GOLPH3L: variants seen among roughly 807,000 people sequenced by gnomAD.
GOLPH3L encodes the protein golgi phosphoprotein 3 like, also known as Golgi phosphoprotein 3-like.
Under a neutral mutation model 30.3 loss-of-function variants are expected in GOLPH3L, and 22 were observed. The ratio of observed to expected loss-of-function variants is 0.73; its 90% confidence interval spans 0.52 to 1.04. The LOEUF is 1.04. GOLPH3L is among the 50% of genes least tolerant of loss of function. GOLPH3L has a pLI of 0.00. For missense variants in GOLPH3L, 303 were observed against 345.8 expected (o/e 0.88, Z 0.98); for synonymous variants, 120 against 128.2 (o/e 0.94, Z 0.43).
At chr1:150,674,262 A>ATT (rs150744411) in intron 2 of GOLPH3L, among the ~76,000 whole-genome samples, 1 of 145,554 alleles carries the variant, frequency 6.9e-6, no homozygotes, top group African/African-American at 2.5e-5. Context: ...GAGTGGGAGA[A>ATT]TTTTTTTTTT....
At chr1:150,659,982 C>T (rs985308320) in intron 4 of GOLPH3L, among the ~76,000 whole-genome samples, 3 of 151,916 alleles carry the variant, frequency 2.0e-5, no homozygotes, top group East Asian at 1.9e-4. Flanking sequence ...TGCAGTGAGC[C>T]GAGATTGCAC....
chr1:150,660,195 A>G (rs1358886277), intron 4 of GOLPH3L, among the ~76,000 whole-genome samples: 2 of 152,186 alleles, frequency 1.3e-5, no homozygotes, highest in Non-Finnish European at 2.9e-5. Flanking sequence ...AACTATTTTC[A>G]TTTGAAAATA....
chr1:150,653,825 C>G (rs1650180574), intron 4 of GOLPH3L, among the ~76,000 whole-genome samples: 1 of 150,704 alleles, frequency 6.6e-6, no homozygotes, highest in East Asian at 2.0e-4. Context: ...TGCAGCGGCA[C>G]AATCTTGTCT....
intron 2 of GOLPH3L, among the ~76,000 whole-genome samples, chr1:150,689,960 C>G (rs1375185231): frequency 1.3e-5 from 2 of 151,124 alleles, no homozygotes; most frequent in South Asian, 2.1e-4. Flanking sequence ...ATTTTAAAAC[C>G]AGTCTGTGGT....
intron 1 of GOLPH3L, among the ~76,000 whole-genome samples, chr1:150,695,940 G>A (rs1004752615): frequency 3.9e-5 from 6 of 151,944 alleles, no homozygotes; most frequent in South Asian, 2.1e-4. Context: ...TTTATTCTAT[G>A]TACTACGGTC....
At position 150,654,246 on chromosome 1, in the gene GOLPH3L, C is replaced by T. The variant is rs981008404; in HGVS notation, c.431-5498G>A. Among the ~76,000 whole-genome samples, 15 of 151,788 alleles carry T rather than the reference C, an allele frequency of 9.9e-5. No individual in the cohort carries two copies. In the East Asian group the frequency reaches 2.9e-3, roughly 30 times the overall value. ...GGGGGGCTGGGCATGGTGGCTCATT[C>T]CTGTAATCCCAGCACTTTGGGAGGC... On this transcript the variant is annotated intron_variant, in intron 4 of 4. Transcript: ENST00000271732.
intron 2 of GOLPH3L, among the ~76,000 whole-genome samples, chr1:150,674,498 G>C (rs1650725427): frequency 1.3e-5 from 2 of 151,972 alleles, no homozygotes; most frequent in Admixed American, 1.3e-4. Context: ...CCTGACCTCA[G>C]GTGATCTACC....
rs587742133 is a variant in GOLPH3L, at chr1:150,681,012, C to G, written c.183+13644G>C. Reference sequence around the variant, plus strand: ...AAAACTAGCCAGGCATGGTGGTGGACACCTAGAATCCCAGCTACTCGGGAG... The same window carrying G: ...AAAACTAGCCAGGCATGGTGGTGGAGACCTAGAATCCCAGCTACTCGGGAG... On this transcript the variant is annotated intron_variant, in intron 2 of 4. Coordinates refer to ENST00000271732, the MANE Select transcript of GOLPH3L (RefSeq NM_018178.6). Among the ~76,000 whole-genome samples the G allele has an allele frequency of 1.0e-3, 157 of 152,164 alleles. 1 individual carries two copies. The highest frequency in any genetic ancestry group is 3.7e-3 in the African/African-American group (153 of 41,524).
intron 3 of GOLPH3L, among the ~76,000 whole-genome samples, chr1:150,662,709 A>G (rs1650397267): frequency 6.6e-6 from 1 of 152,242 alleles, no homozygotes; most frequent in East Asian, 1.9e-4. Context: ...CAGAGAAGCA[A>G]GAGAATAAGA....
chr1:150,682,490 G>A (rs781212419), intron 2 of GOLPH3L, among the ~76,000 whole-genome samples: 137 of 151,856 alleles, frequency 9.0e-4, no homozygotes, highest in Non-Finnish European at 1.3e-3. Context: ...TTAGCTGGGC[G>A]TGGTGGCCTG....
At chr1:150,675,908 G>C (rs1650765175) in intron 2 of GOLPH3L, among the ~76,000 whole-genome samples, 2 of 150,874 alleles carry the variant, frequency 1.3e-5, no homozygotes, top group South Asian at 2.1e-4. Flanking sequence ...GAGTAATGTG[G>C]TAAGAAAACA....
chr1:150,679,005 T>C (rs587601840), intron 2 of GOLPH3L, among the ~76,000 whole-genome samples: 2 of 152,326 alleles, frequency 1.3e-5, no homozygotes, highest in South Asian at 4.1e-4. Flanking sequence ...CTTCTTTTTT[T>C]AATGTTGTTA....
intron 2 of GOLPH3L, among the ~76,000 whole-genome samples, chr1:150,680,612 A>T (rs2101809737): frequency 1.3e-5 from 2 of 152,302 alleles, no homozygotes; most frequent in Admixed American, 1.3e-4. Context: ...GATTCAACTG[A>T]TCATTTTCAA....
chr1:150,690,988 A>C (rs1002541139), intron 2 of GOLPH3L, among the ~76,000 whole-genome samples: 3 of 152,212 alleles, frequency 2.0e-5, no homozygotes, highest in Non-Finnish European at 4.4e-5. Context: ...AAAAAGCTTA[A>C]TTATTCCAAA....
At chr1:150,661,326 A>G (rs779433495) in intron 4 of GOLPH3L, among the ~76,000 whole-genome samples, 1 of 152,340 alleles carries the variant, frequency 6.6e-6, no homozygotes, top group East Asian at 1.9e-4. Context: ...TCCTAGCTAC[A>G]TACCCACAAG....
At chr1:150,690,905 GT>G (rs1250748927) in intron 2 of GOLPH3L, among the ~76,000 whole-genome samples, 3 of 151,952 alleles carry the variant, frequency 2.0e-5, no homozygotes, top group African/African-American at 7.3e-5. Context: ...GCTTTTTATT[GT>G]TGTTTACTTT....
At chr1:150,682,867 T>G (rs1056456825) in intron 2 of GOLPH3L, among the ~76,000 whole-genome samples, 2 of 152,162 alleles carry the variant, frequency 1.3e-5, no homozygotes, top group Non-Finnish European at 2.9e-5. Flanking sequence ...CTTGGACAAC[T>G]GTGAATAGGT....
At chr1:150,654,675 G>A (rs747167917) in intron 4 of GOLPH3L, among the ~76,000 whole-genome samples, 13 of 152,176 alleles carry the variant, frequency 8.5e-5, no homozygotes, top group South Asian at 2.1e-4. Flanking sequence ...TGAGGGGCCC[G>A]TCTGGGCCTG....
intron 2 of GOLPH3L, among the ~76,000 whole-genome samples, chr1:150,684,543 T>C (rs923376379): frequency 6.6e-6 from 1 of 152,178 alleles, no homozygotes; most frequent in African/African-American, 2.4e-5. Flanking sequence ...TTTATCTCTT[T>C]TTAGTATAAT....
Sources: gnomAD v4.1 joint callset for allele counts (sites outside exome capture counted in the v4.1 genomes callset) on GRCh38, gnomAD v4.1.1 for gene constraint, MANE v1.5 for transcripts, NCBI Gene and HGNC (gene_info 2026-07-23, HGNC 2026-07-21) for gene names.